The following FER1L6 variants were observed in gnomAD, a reference collection of about 807,000 sequenced individuals.
FER1L6 encodes the protein fer-1-like protein 6.
Under a neutral mutation model 219.2 loss-of-function variants are expected in FER1L6, and 177 were observed. The observed-to-expected ratio is 0.81, with a 90% CI of 0.71 to 0.91. The LOEUF (loss-of-function observed/expected upper bound fraction) is 0.91, where lower values mean the gene tolerates loss of function less well. Among genes scored for constraint, FER1L6 ranks in the 40% least tolerant of loss-of-function variants. FER1L6 has a pLI of 0.00. For missense variants in FER1L6, 2,153 were observed against 2,259.9 expected, an observed-to-expected ratio of 0.95 and a Z score of 0.96; for synonymous variants, 768 against 824.3, an observed-to-expected ratio of 0.93 and a Z score of 1.17.
chr8:124,010,255 A>G (rs1817861229), intron 13 of FER1L6, among the ~76,000 whole-genome samples: 1 of 152,232 alleles, frequency 6.6e-6, no homozygotes, highest in South Asian at 2.1e-4. Flanking sequence ...AGACCGAGGC[A>G]GCAAATTAAT....
At position 124,106,944 on chromosome 8, in the gene FER1L6, CTTTTTT is replaced by C. The variant is rs10561745; in HGVS notation, c.5289+3652_5289+3657del. ...CTAGTATAAGAGATTATAAGGTTTT[CTTTTTT>C]TTTTTTTTTTTTTTTTGAGACAGAG... On this transcript the variant is annotated intron_variant, in intron 39 of 40. Transcript: ENST00000522917. Among the ~76,000 whole-genome samples, 20 of 127,808 alleles carry C rather than the reference CTTTTTT, an allele frequency of 1.6e-4. No individual in the cohort carries two copies. The South Asian group carries it at 3.0e-3, about 19-fold the overall frequency. The allele number at this position is 127,808 out of a possible 152,430, so 83.8% of individuals were successfully genotyped here.
intron 1 of FER1L6, among the ~76,000 whole-genome samples, chr8:123,906,294 A>T (rs1812951944): frequency 6.6e-6 from 1 of 152,120 alleles, no homozygotes; most frequent in Admixed American, 6.5e-5. Flanking sequence ...GTGTAGTAAG[A>T]AGTATCTAGT....
chr8:124,073,210 T>C (rs1821151248), intron 31 of FER1L6, among the ~76,000 whole-genome samples: 1 of 152,204 alleles, frequency 6.6e-6, no homozygotes, highest in South Asian at 2.1e-4. Flanking sequence ...CATGTATTCA[T>C]TCAGAAAATA....
In FER1L6 at chr8:123,977,501, C is replaced by T. The variant is rs199728149; in HGVS notation, c.955C>T (p.Arg319Trp). 6.8e-4 allele frequency: 1,095 copies of T among 1,613,902 alleles called. 1 individual carries two copies. The highest frequency in any genetic ancestry group is 8.4e-4 in the Non-Finnish European group (988 of 1,179,914). The change falls in exon 10 of 41, where the codon CGG becomes TGG. Residue 319 changes from arginine (R) to tryptophan (W), a missense_variant. By Grantham distance (101) the Arg-to-Trp change is moderately radical (BLOSUM62 -3). Coordinates refer to ENST00000522917, the MANE Select transcript of FER1L6 (RefSeq NM_001039112.2). ...CAAGGAAATGTTCCCTCCCTTGTGT[C>T]GGAGGGTGAAAATCCAGGTGTGGGA... is the stretch of plus-strand genomic sequence containing the variant. ...IFKEMFPPLC[R>W]RVKIQVWDEG... is the part of the protein sequence containing the mutation.
At chr8:124,118,583 C>A (rs1385875504) in intron 39 of FER1L6, among the ~76,000 whole-genome samples, 1 of 152,160 alleles carries the variant, frequency 6.6e-6, no homozygotes, top group Non-Finnish European at 1.5e-5. Flanking sequence ...GTACATGTGA[C>A]GGAGCTTGTG....
chr8:123,856,886 C>T (rs76200906), intron 1 of FER1L6, among the ~76,000 whole-genome samples: 3,670 of 152,050 alleles, frequency 0.024, 137 homozygotes, highest in African/African-American at 0.083. Context: ...GCAAGCTGGG[C>T]GGGTCAGATG....
intron 1 of FER1L6, among the ~76,000 whole-genome samples, chr8:123,945,928 C>T (rs574042073): frequency 1.3e-5 from 2 of 152,304 alleles, no homozygotes; most frequent in East Asian, 3.9e-4. Context: ...TAGGCTATCA[C>T]TTTTAACCCC....
intron 1 of FER1L6, among the ~76,000 whole-genome samples, chr8:123,923,852 G>A (rs1258724515): frequency 6.7e-6 from 1 of 149,286 alleles, no homozygotes; most frequent in African/African-American, 2.5e-5. Context: ...CAGGAGAATT[G>A]CTTGAACTGG....
chr8:123,946,305 G>T (rs2130034023), intron 1 of FER1L6, among the ~76,000 whole-genome samples: 1 of 152,316 alleles, frequency 6.6e-6, no homozygotes, highest in East Asian at 1.9e-4. Flanking sequence ...AAGCTGGAAT[G>T]CAGTGGGGAG....
chr8:124,003,895 G>A (rs1817538469), intron 13 of FER1L6, among the ~76,000 whole-genome samples: 1 of 152,000 alleles, frequency 6.6e-6, no homozygotes, highest in Non-Finnish European at 1.5e-5. Context: ...TCATTTAAGG[G>A]CAGAGCAATG....
At chr8:124,103,123 C>T (rs775495213) in intron 38 of FER1L6, 23 bp from the exon 39 acceptor site, 3 of 1,608,662 alleles carry the variant, frequency 1.9e-6, no homozygotes, top group Admixed American at 3.4e-5. Flanking sequence ...GCTTCCCTAA[C>T]TGTTAGGGTC....
At chr8:124,009,725 G>A (rs1206374486) in intron 13 of FER1L6, among the ~76,000 whole-genome samples, 1 of 152,130 alleles carries the variant, frequency 6.6e-6, no homozygotes, top group Non-Finnish European at 1.5e-5. Flanking sequence ...TGGTGCTGCT[G>A]TTCTAGGGTG....
chr8:123,901,461 C>G (rs756338770), intron 1 of FER1L6, among the ~76,000 whole-genome samples: 1 of 152,024 alleles, frequency 6.6e-6, no homozygotes, highest in Non-Finnish European at 1.5e-5. Context: ...CTTTTTGTTT[C>G]ATTTATCTTT....
rs141242136 is a variant in FER1L6 at position 124,047,139 on chromosome 8, C to T, written c.2724+1238C>T. ...GCAGAAAACAATAATAGCAATAGAG[C>T]GTCTTTGAACACTCTACTAGGAAAA... is the stretch of plus-strand genomic sequence containing the variant. On this transcript the variant is annotated intron_variant, in intron 21 of 40. Coordinates refer to ENST00000522917, the MANE Select transcript of FER1L6 (RefSeq NM_001039112.2). Among the ~76,000 whole-genome samples the T allele has an allele frequency of 1.1e-3, 167 of 152,174 alleles. 1 individual carries two copies. The highest frequency in any genetic ancestry group is 3.0e-3 in the African/African-American group (124 of 41,534).
chr8:123,907,037 A>T (rs1290848104), intron 1 of FER1L6, among the ~76,000 whole-genome samples: 1 of 152,160 alleles, frequency 6.6e-6, no homozygotes, highest in African/African-American at 2.4e-5. Context: ...TAGACTACTC[A>T]TGTCTGTCAC....
At chr8:123,973,584 A>T in intron 7 of FER1L6, 72 bp downstream of exon 7, 1 of 1,099,066 alleles carries the variant, frequency 9.1e-7, no homozygotes, top group Admixed American at 1.7e-5. Context: ...CATCCCATTC[A>T]TTCACTCACC....
chr8:124,052,947 A>G (rs1193322016), intron 22 of FER1L6, among the ~76,000 whole-genome samples: 2 of 152,200 alleles, frequency 1.3e-5, no homozygotes, highest in East Asian at 1.9e-4. Context: ...TTTAAAAATA[A>G]AAGTGTCGAA....
intron 31 of FER1L6, among the ~76,000 whole-genome samples, chr8:124,073,089 A>G (rs1056358268): frequency 6.6e-6 from 1 of 152,164 alleles, no homozygotes; most frequent in African/African-American, 2.4e-5. Flanking sequence ...TTACAGAGCT[A>G]TAGTTCTCTA....
chr8:124,040,671 A>C (rs1819445907), intron 20 of FER1L6: 1 of 153,218 alleles, frequency 6.5e-6, no homozygotes, highest in African/African-American at 2.4e-5. Context: ...GTATCTGATG[A>C]GGGCCTTCTT....
Sources: gnomAD v4.1 joint callset for allele counts (sites outside exome capture counted in the v4.1 genomes callset) on GRCh38, gnomAD v4.1.1 for gene constraint, MANE v1.5 for transcripts, NCBI Gene and HGNC (gene_info 2026-07-23, HGNC 2026-07-21) for gene names.